OCM: variants seen among roughly 807,000 people sequenced by gnomAD.
OCM encodes the protein oncomodulin, also known as oncomodulin-1.
OCM carries 18 observed loss-of-function variants against 14.1 expected under a neutral mutation model. That is an observed-to-expected ratio of 1.28 (90% CI 0.88 to 1.89). The LOEUF is 1.89. Among genes scored for constraint, OCM ranks in the 40% most tolerant of loss-of-function variants. The probability of loss-of-function intolerance (pLI) is 0.00; values close to 1 mark genes in which losing one functional copy is unlikely to be tolerated. For synonymous variants in OCM, 48 were observed against 51.0 expected (o/e 0.94, Z 0.25); for missense variants, 140 against 137.6 (o/e 1.02, Z -0.09).
At chr7:5,868,836 G>A in the OCM span, among the ~76,000 whole-genome samples, 1 of 152,044 alleles carries the variant, frequency 6.6e-6, no homozygotes, top group African/African-American at 2.4e-5. Context: ...GCCAAGTCAG[G>A]TGGATCACCT....
At chr7:5,881,078 G>C in intron 1 of OCM, 128 bp downstream of exon 1, 1 of 865,218 alleles carries the variant, frequency 1.2e-6, no homozygotes, top group East Asian at 2.6e-5. Context: ...CAGCACTTTG[G>C]GAGGCCGAGG....
intron 3 of OCM, among the ~76,000 whole-genome samples, chr7:5,885,571 A>G (rs1781313791): frequency 1.3e-5 from 2 of 151,490 alleles, no homozygotes; most frequent in South Asian, 4.2e-4. Context: ...TCCTCGAGAT[A>G]TAGTCATTGA....
At chr7:5,882,303 C>T (rs527805692) in intron 1 of OCM, among the ~76,000 whole-genome samples, 190 bp from the exon 2 acceptor site, 24 of 151,762 alleles carry the variant, frequency 1.6e-4, no homozygotes, top group Admixed American at 5.9e-4. Flanking sequence ...AAGACTGGGG[C>T]GGAGGGGACA....
In OCM at chr7:5,884,281, T is replaced by A. The variant is rs1252890621; in HGVS notation, c.304+282T>A. On this transcript the variant is annotated intron_variant, in intron 3 of 3. Coordinates refer to ENST00000242104, the MANE Select transcript of OCM (RefSeq NM_001097622.2). ...CTGACTAGGGGACTAGCTAGCCACC[T>A]GGCCAATTATTTGCACCTGCCAACC... is the stretch of plus-strand genomic sequence containing the variant. Among the ~76,000 whole-genome samples the A allele has an allele frequency of 2.0e-5, 3 of 152,192 alleles. No individual in the cohort carries two copies. The East Asian group carries it at 5.8e-4, about 29-fold the overall frequency.
chr7:5,865,180 G>A, the OCM span, among the ~76,000 whole-genome samples: 34 of 151,986 alleles, frequency 2.2e-4, no homozygotes, highest in South Asian at 5.0e-3. Flanking sequence ...CGTCGGGGCC[G>A]ACGAGTAGTG....
chr7:5,873,180 G>T, the OCM span, among the ~76,000 whole-genome samples: 1 of 152,144 alleles, frequency 6.6e-6, no homozygotes, highest in African/African-American at 2.4e-5. Context: ...TTCAAGACCA[G>T]CTTGACCAAC....
In OCM at chr7:5,882,606, C is replaced by G. The variant is rs201998985; in HGVS notation, c.175C>G (p.Leu59Val). The change falls in exon 2 of 4, where the codon CTG (leucine) becomes GTG (valine). Residue 59 changes from leucine (L) to valine (V), a missense_variant. Physicochemically the swap from Leu to Val is conservative, Grantham distance 32. Coordinates refer to ENST00000242104, the MANE Select transcript of OCM (RefSeq NM_001097622.2). ...CATAGACAACGACCAGAGCGGGTACCTGGATGAAGAAGAGCTTAAGTAAGC... is the reference window on the plus strand; with the variant it reads ...CATAGACAACGACCAGAGCGGGTACGTGGATGAAGAAGAGCTTAAGTAAGC... ...RFIDNDQSGY[L>V]DEEELKFFLQ... 23 of 1,613,916 alleles carry G rather than the reference C, an allele frequency of 1.4e-5. No homozygotes were observed. In the South Asian group the frequency reaches 2.1e-4, roughly 15 times the overall value.
chr7:5,880,039 T>G (rs1262606513), upstream of OCM: 2 of 152,228 alleles, frequency 1.3e-5, no homozygotes, highest in African/African-American at 2.4e-5. Context: ...GTGCTTAGAC[T>G]CCTGTTTTCC....
intron 2 of OCM, among the ~76,000 whole-genome samples, 184 bp from the exon 3 acceptor site, chr7:5,883,706 A>AACAAACAC (rs1386514142): frequency 2.0e-5 from 3 of 151,604 alleles, no homozygotes; most frequent in African/African-American, 7.3e-5. Flanking sequence ...CAAACAAACA[A>AACAAACAC]AACCTTAAAA....
chr7:5,874,223 C>T, the OCM span, among the ~76,000 whole-genome samples: 1 of 31,492 alleles, frequency 3.2e-5, no homozygotes, highest in Non-Finnish European at 5.8e-5. Context: ...GACTCTGTCT[C>T]AAAAAAAAAA....
At chr7:5,875,763 G>T (rs929595517), upstream of OCM, among the ~76,000 whole-genome samples, 6 of 151,928 alleles carry the variant, frequency 3.9e-5, no homozygotes, top group African/African-American at 1.5e-4. Flanking sequence ...AAAAAGAAAG[G>T]GCTCAGCTAG....
At chr7:5,881,731 G>A (rs1781219358) in intron 1 of OCM, among the ~76,000 whole-genome samples, 1 of 152,016 alleles carries the variant, frequency 6.6e-6, no homozygotes, top group South Asian at 2.1e-4. Flanking sequence ...ATAGAGATCT[G>A]GGATCTGAGC....
chr7:5,871,565 A>G, the OCM span, among the ~76,000 whole-genome samples: 2 of 152,178 alleles, frequency 1.3e-5, no homozygotes, highest in Middle Eastern at 6.8e-3. Flanking sequence ...ACGACATCAT[A>G]TTCGTGAACT....
intron 3 of OCM, 22 bp downstream of exon 3, chr7:5,884,021 G>C (rs746797510): frequency 6.2e-7 from 1 of 1,608,978 alleles, no homozygotes; most frequent in Non-Finnish European, 8.5e-7. Context: ...CGTGTACGTA[G>C]CATAAAACAC....
chr7:5,880,234 G>A (rs1297683730), upstream of OCM, among the ~76,000 whole-genome samples: 1 of 152,178 alleles, frequency 6.6e-6, no homozygotes, highest in Non-Finnish European at 1.5e-5. Flanking sequence ...GAAAATGCCA[G>A]TGCATGTGTA....
At chr7:5,866,338 G>C in the OCM span, among the ~76,000 whole-genome samples, 9 of 128,056 alleles carry the variant, frequency 7.0e-5, no homozygotes, top group East Asian at 2.3e-4. Context: ...AGGAAGGAGT[G>C]GGGGGGAGAG....
At chr7:5,879,155 C>T (rs111487877), upstream of OCM, among the ~76,000 whole-genome samples, 20 of 152,268 alleles carry the variant, frequency 1.3e-4, no homozygotes, top group African/African-American at 3.9e-4. Context: ...GAGCTGAGAT[C>T]GTGCCACTGC....
chr7:5,860,414 A>G, the OCM span, among the ~76,000 whole-genome samples: 2,842 of 133,840 alleles, frequency 0.021, 136 homozygotes, highest in Admixed American at 0.068. Context: ...ATATACGTAT[A>G]TATATATTAC....
At chr7:5,866,897 G>A in the OCM span, among the ~76,000 whole-genome samples, 4 of 152,062 alleles carry the variant, frequency 2.6e-5, no homozygotes, top group Non-Finnish European at 4.4e-5. Context: ...TATAACCGCC[G>A]TCCTGTGTCT....
Sources: gnomAD v4.1 joint callset for allele counts (sites outside exome capture counted in the v4.1 genomes callset) on GRCh38, gnomAD v4.1.1 for gene constraint, MANE v1.5 for transcripts, NCBI Gene and HGNC (gene_info 2026-07-23, HGNC 2026-07-21) for gene names.